ACAD10: variants seen among roughly 807,000 people sequenced by gnomAD.
The protein encoded by ACAD10 is acyl-CoA dehydrogenase family member 10.
A neutral mutation model predicts 116.8 loss-of-function variants in ACAD10; 112 were observed. The observed-to-expected ratio is 0.96, with a 90% confidence interval of 0.82 to 1.12. The LOEUF (loss-of-function observed/expected upper bound fraction) is 1.12. Ranked by LOEUF, ACAD10 falls within the 50% of genes most tolerant of loss-of-function variation. The pLI, the probability that ACAD10 is intolerant of heterozygous loss-of-function variation, is 0.00. For synonymous variants in ACAD10, 486 were observed against 510.6 expected, an observed-to-expected ratio of 0.95 and a Z score of 0.65; for missense variants, 1,259 against 1,350.2, an observed-to-expected ratio of 0.93 and a Z score of 1.06.
At chr12:111,703,208 G>A (rs1888400868) in intron 3 of ACAD10, among the ~76,000 whole-genome samples, 2 of 152,068 alleles carry the variant, frequency 1.3e-5, no homozygotes, top group South Asian at 4.2e-4. Flanking sequence ...AGATACCTGG[G>A]GGCAAAGGTT....
chr12:111,706,525 C>T (rs1313574277), intron 4 of ACAD10, among the ~76,000 whole-genome samples: 2 of 152,114 alleles, frequency 1.3e-5, no homozygotes, highest in African/African-American at 2.4e-5. Flanking sequence ...TCTCAGCTCA[C>T]TGCAACCTCT....
At chr12:111,747,273 C>T (rs903296373) in intron 15 of ACAD10, 22 bp from the exon 16 acceptor site, 2 of 1,613,868 alleles carry the variant, frequency 1.2e-6, no homozygotes, top group Non-Finnish European at 1.7e-6. Flanking sequence ...GCGTCTCTGA[C>T]TGGAATATGC....
At chr12:111,713,654 G>C (rs373925645) in intron 6 of ACAD10, among the ~76,000 whole-genome samples, 1 of 150,900 alleles carries the variant, frequency 6.6e-6, no homozygotes, top group African/African-American at 2.4e-5. Flanking sequence ...AAAAAAAAAA[G>C]GGCTGGGCGC....
intron 5 of ACAD10, chr12:111,710,497 AT>A (rs34767337): frequency 0.11 from 23,028 of 209,152 alleles, 167 homozygotes; most frequent in South Asian, 0.18. Context: ...GTATTGTGAA[AT>A]TTTTTTTTTT....
intron 2 of ACAD10, among the ~76,000 whole-genome samples, chr12:111,697,096 T>C (rs1443064323): frequency 2.3e-5 from 3 of 131,836 alleles, no homozygotes; most frequent in Admixed American, 7.6e-5. Flanking sequence ...AAAAAAAAAA[T>C]TGGGCATGGT....
chr12:111,696,636 G>T (rs1045891555), intron 2 of ACAD10, among the ~76,000 whole-genome samples: 1 of 152,160 alleles, frequency 6.6e-6, no homozygotes, highest in Non-Finnish European at 1.5e-5. Context: ...GCCCTTTTCA[G>T]AAAAGCTTGA....
chr12:111,719,713 C>T (rs187441059), intron 7 of ACAD10, among the ~76,000 whole-genome samples: 168 of 151,760 alleles, frequency 1.1e-3, no homozygotes, highest in Middle Eastern at 3.5e-3. Flanking sequence ...GCACCATGCC[C>T]GGCTAATTTT....
intron 2 of ACAD10, among the ~76,000 whole-genome samples, chr12:111,696,365 T>C (rs1040698937): frequency 3.3e-5 from 5 of 152,234 alleles, no homozygotes; most frequent in Non-Finnish European, 5.9e-5. Context: ...CTGTCTGTTT[T>C]TGTATGGCCT....
At chr12:111,730,145 G>A (rs1889345515) in intron 10 of ACAD10, among the ~76,000 whole-genome samples, 189 bp downstream of exon 10, 1 of 152,172 alleles carries the variant, frequency 6.6e-6, no homozygotes, top group South Asian at 2.1e-4. Context: ...ATAAGTTTTT[G>A]TGGTGGGAGC....
chr12:111,733,890 A>G (rs762516514), intron 10 of ACAD10, 33 bp from the exon 11 acceptor site: 6 of 1,613,500 alleles, frequency 3.7e-6, no homozygotes, highest in Non-Finnish European at 5.1e-6. Context: ...CAGTTTTCTT[A>G]GTGCTGTCTC....
intron 12 of ACAD10, among the ~76,000 whole-genome samples, chr12:111,738,291 C>T (rs1210023120): frequency 6.6e-6 from 1 of 151,624 alleles, no homozygotes; most frequent in African/African-American, 2.4e-5. Flanking sequence ...ACTAAAAATA[C>T]AAAAATTAGC....
intron 2 of ACAD10, among the ~76,000 whole-genome samples, chr12:111,701,670 A>G (rs969565846): frequency 2.0e-5 from 3 of 152,074 alleles, no homozygotes; most frequent in African/African-American, 7.3e-5. Context: ...TTCTGAAAAA[A>G]AGAAGAAATT....
chr12:111,752,222 C>CGG (rs1890091163), intron 18 of ACAD10, among the ~76,000 whole-genome samples: 1 of 150,204 alleles, frequency 6.7e-6, no homozygotes, highest in South Asian at 2.1e-4. Flanking sequence ...AACACCCTGT[C>CGG]TGGGAAAAAA....
In ACAD10 at chr12:111,692,886, A is replaced by G. The variant is rs963608638; in HGVS notation, c.177A>G (p.Arg59=). ...GAGTTCTCATTCCTTCTCCAGGGAG[A>G]GTCGCTGCAGGTGAGCTATTGATTC... ...MGGVLIPSPG[R]VAAEWEVQNR... Residue 59 remains arginine, a synonymous_variant, in exon 2 of 21, where the codon AGA becomes AGG. Transcript: ENST00000313698. 9.3e-6 allele frequency: 15 copies of G among 1,613,802 alleles called. No individual in the cohort carries two copies. Among genetic ancestry groups the G allele is most frequent in the Non-Finnish European group, 1.2e-5 (14 of 1,179,924 alleles).
At chr12:111,691,319 T>A (rs1264747876) in intron 1 of ACAD10, among the ~76,000 whole-genome samples, 2 of 152,060 alleles carry the variant, frequency 1.3e-5, no homozygotes, top group Non-Finnish European at 2.9e-5. Flanking sequence ...TGTGAGGGTG[T>A]CATCGTAAGT....
chr12:111,721,301 C>T (rs1024802583), intron 7 of ACAD10, among the ~76,000 whole-genome samples: 1 of 152,090 alleles, frequency 6.6e-6, no homozygotes, highest in Non-Finnish European at 1.5e-5. Flanking sequence ...GGCACAATGG[C>T]TTATGCCTGT....
intron 3 of ACAD10, among the ~76,000 whole-genome samples, chr12:111,702,622 T>C (rs1888380952): frequency 6.6e-6 from 1 of 151,942 alleles, no homozygotes; most frequent in African/African-American, 2.4e-5. Flanking sequence ...TCCCAGCTAT[T>C]TGGGAGGCTG....
chr12:111,687,443 C>T (rs947159890), intron 1 of ACAD10, among the ~76,000 whole-genome samples: 3 of 152,064 alleles, frequency 2.0e-5, no homozygotes, highest in African/African-American at 7.2e-5. Context: ...GTCAGTAGCA[C>T]CTCTCCCCAG....
Position 111,712,480 on chromosome 12 carries a change from T to TA in ACAD10, c.691-17dup. 1 of 1,606,332 alleles carries TA rather than the reference T, an allele frequency of 6.2e-7. No homozygotes were observed. Among genetic ancestry groups the TA allele is most frequent in the Non-Finnish European group, 8.5e-7 (1 of 1,176,292 alleles). ...CAACAACAAAAAATATACATCTACA[T>TA]ATTCTCTCTGAAACCAGGTTAATGA... On this transcript the variant is annotated splice_polypyrimidine_tract_variant and intron_variant, in intron 5 of 20. Coordinates refer to ENST00000313698, the MANE Select transcript of ACAD10 (RefSeq NM_025247.6).
Sources: gnomAD v4.1 joint callset for allele counts (sites outside exome capture counted in the v4.1 genomes callset) on GRCh38, gnomAD v4.1.1 for gene constraint, MANE v1.5 for transcripts, NCBI Gene and HGNC (gene_info 2026-07-23, HGNC 2026-07-21) for gene names.